CNTN4: variants seen among roughly 807,000 people sequenced by gnomAD.
CNTN4 encodes contactin-4.
In CNTN4, 77 loss-of-function variants were observed where a neutral mutation model predicts 122.5. The ratio of observed to expected loss-of-function variants is 0.63; its 90% confidence interval spans 0.52 to 0.76. The LOEUF (loss-of-function observed/expected upper bound fraction) is 0.76. Ranked by LOEUF, CNTN4 falls within the 30% of genes least tolerant of loss-of-function variation. The probability of loss-of-function intolerance (pLI) is 0.00; values close to 1 mark genes in which losing one functional copy is unlikely to be tolerated. For synonymous variants in CNTN4, 512 were observed against 447.0 expected (o/e 1.15, Z -1.83); for missense variants, 1,256 against 1,259.1 (o/e 1.00, Z 0.04).
intron 2 of CNTN4, among the ~76,000 whole-genome samples, chr3:2,304,908 G>A (rs982500059): frequency 2.6e-5 from 4 of 151,410 alleles, no homozygotes; most frequent in African/African-American, 9.7e-5. Context: ...AAGTGATTTG[G>A]CCAACGGGGA....
chr3:2,766,725 G>T (rs2090878224), intron 6 of CNTN4, among the ~76,000 whole-genome samples: 1 of 151,738 alleles, frequency 6.6e-6, no homozygotes, highest in Non-Finnish European at 1.5e-5. Context: ...AATACCCCCT[G>T]TTCCCCCAAA....
At chr3:2,296,108 G>A (rs1421902605) in intron 2 of CNTN4, among the ~76,000 whole-genome samples, 1 of 152,126 alleles carries the variant, frequency 6.6e-6, no homozygotes, top group African/African-American at 2.4e-5. Flanking sequence ...AAGTCAGGTA[G>A]CGTGATGCCT....
intron 4 of CNTN4, among the ~76,000 whole-genome samples, chr3:2,714,598 A>G (rs2087366142): frequency 6.6e-6 from 1 of 152,144 alleles, no homozygotes; most frequent in Admixed American, 6.5e-5. Flanking sequence ...CCCCAAAGAC[A>G]AGGCAATTAT....
intron 6 of CNTN4, among the ~76,000 whole-genome samples, chr3:2,817,666 C>T (rs2092768539): frequency 6.6e-6 from 1 of 152,106 alleles, no homozygotes; most frequent in Non-Finnish European, 1.5e-5. Flanking sequence ...ATTGGTTTTA[C>T]CTAGATGATA....
At chr3:3,016,728 T>C (rs1487423603) in intron 14 of CNTN4, among the ~76,000 whole-genome samples, 1 of 152,138 alleles carries the variant, frequency 6.6e-6, no homozygotes, top group Non-Finnish European at 1.5e-5. Context: ...ACCTGACTGA[T>C]TGTTTCCCAA....
chr3:2,731,365 G>A (rs7626866), intron 4 of CNTN4, among the ~76,000 whole-genome samples: 106,261 of 151,944 alleles, frequency 0.7, 37,302 homozygotes, highest in Non-Finnish European at 0.72. Flanking sequence ...ATGGAACTTT[G>A]CAGAACACTG....
At chr3:2,331,959 C>T (rs9844510) in intron 2 of CNTN4, among the ~76,000 whole-genome samples, 1 of 151,928 alleles carries the variant, frequency 6.6e-6, no homozygotes, top group Non-Finnish European at 1.5e-5. Flanking sequence ...CCTGTCCAGC[C>T]CAACACCACT....
intron 2 of CNTN4, among the ~76,000 whole-genome samples, chr3:2,219,130 T>C (rs950512952): frequency 1.3e-5 from 2 of 152,222 alleles, no homozygotes; most frequent in African/African-American, 4.8e-5. Context: ...AAATGGTGAG[T>C]TGGCTCAATG....
At chr3:2,192,236 T>A (rs142596145) in intron 2 of CNTN4, among the ~76,000 whole-genome samples, 20 of 152,262 alleles carry the variant, frequency 1.3e-4, no homozygotes, top group Non-Finnish European at 2.8e-4. Flanking sequence ...TTCCTTTGGG[T>A]GTATACCCAT....
intron 6 of CNTN4, among the ~76,000 whole-genome samples, chr3:2,749,671 G>C (rs1163801789): frequency 1.3e-5 from 2 of 152,092 alleles, no homozygotes; most frequent in African/African-American, 4.8e-5. Context: ...TATGTATAAA[G>C]TTAATTTGAG....
At chr3:2,946,713 T>TTC (rs2094683017) in intron 13 of CNTN4, among the ~76,000 whole-genome samples, 1 of 149,202 alleles carries the variant, frequency 6.7e-6, no homozygotes, top group South Asian at 2.2e-4. Context: ...TCTTTTTTTT[T>TTC]TTTTTTTTGA....
At chr3:2,752,576 C>A (rs1467943324) in intron 6 of CNTN4, among the ~76,000 whole-genome samples, 1 of 152,098 alleles carries the variant, frequency 6.6e-6, no homozygotes, top group Non-Finnish European at 1.5e-5. Context: ...GCCTCGAACT[C>A]CTGACCTCAG....
chr3:2,895,855 A>G (rs907282944), intron 10 of CNTN4, among the ~76,000 whole-genome samples: 13 of 152,298 alleles, frequency 8.5e-5, no homozygotes, highest in Non-Finnish European at 1.5e-4. Flanking sequence ...TAACAGGGTG[A>G]AACCCCGTCT....
chr3:3,019,692 G>T (rs1024356417), intron 14 of CNTN4, among the ~76,000 whole-genome samples: 1 of 151,202 alleles, frequency 6.6e-6, no homozygotes, highest in African/African-American at 2.4e-5. Context: ...ATGTATATGT[G>T]TGTGTCTGTG....
chr3:2,467,670 T>A (rs2075551266), intron 3 of CNTN4, among the ~76,000 whole-genome samples: 2 of 152,218 alleles, frequency 1.3e-5, no homozygotes, highest in Admixed American at 1.3e-4. Flanking sequence ...TATGCACTAA[T>A]TAATAACTTA....
intron 4 of CNTN4, among the ~76,000 whole-genome samples, chr3:2,592,068 A>G (rs1381039955): frequency 6.6e-6 from 1 of 151,844 alleles, no homozygotes; most frequent in Non-Finnish European, 1.5e-5. Flanking sequence ...TTTTGTACAG[A>G]TGAGGTTTCA....
intron 2 of CNTN4, among the ~76,000 whole-genome samples, chr3:2,260,336 G>C (rs183331835): frequency 1.3e-5 from 2 of 151,942 alleles, no homozygotes; most frequent in African/African-American, 2.4e-5. Context: ...ATGTTTTCAG[G>C]CATTATCATT....
At chr3:2,634,676 G>GAAAAA (rs10655083) in intron 4 of CNTN4, among the ~76,000 whole-genome samples, 4 of 134,654 alleles carry the variant, frequency 3.0e-5, no homozygotes, top group African/African-American at 1.1e-4. Context: ...TAAAAATACA[G>GAAAAA]AAAAAAAAAA....
rs908241563 is a variant in CNTN4 at position 2,677,346 on chromosome 3, T to TG, written c.56-58863dup. On this transcript the variant is annotated intron_variant, in intron 4 of 24. Coordinates refer to ENST00000418658, the MANE Select transcript of CNTN4 (RefSeq NM_175607.3). Reference sequence around the variant, plus strand: ...CCATTGAGATTTTTTTTTTTTGTGGTGGGGGGCACAGAGTCTTGCTCTGTC... The same window carrying TG: ...CCATTGAGATTTTTTTTTTTTGTGGTGGGGGGGCACAGAGTCTTGCTCTGTC... 9.8e-4 allele frequency among the ~76,000 whole-genome samples: 107 copies of TG among 109,004 alleles called. 2 individuals are homozygous for TG. The South Asian group carries it at 0.033, about 34-fold the overall frequency. 71.5% of individuals were successfully genotyped at this position (109,004 alleles called of 152,430 possible).
Sources: gnomAD v4.1 joint callset for allele counts (sites outside exome capture counted in the v4.1 genomes callset) on GRCh38, gnomAD v4.1.1 for gene constraint, MANE v1.5 for transcripts, NCBI Gene and HGNC (gene_info 2026-07-23, HGNC 2026-07-21) for gene names.